The following ADAMTS18 variants were observed in gnomAD, a reference collection of about 807,000 sequenced individuals.
The protein encoded by ADAMTS18 is ADAM metallopeptidase with thrombospondin type 1 motif 18.
ADAMTS18 carries 157 observed loss-of-function variants against 165.9 expected under a neutral mutation model. The ratio of observed to expected loss-of-function variants is 0.95; its 90% CI spans 0.83 to 1.08. The LOEUF (loss-of-function observed/expected upper bound fraction) is 1.08. Among genes scored for constraint, ADAMTS18 ranks in the 50% least tolerant of loss-of-function variants. The pLI, the probability that ADAMTS18 is intolerant of heterozygous loss-of-function variation, is 0.00. For missense variants in ADAMTS18, 2,040 were observed against 1,534.0 expected, an observed-to-expected ratio of 1.33 and a Z score of -5.51; for synonymous variants, 782 against 578.2, an observed-to-expected ratio of 1.35 and a Z score of -5.06.
rs1160408368 is a variant in ADAMTS18 at position 77,291,280 on chromosome 16, A to G, written c.3388T>C (p.Leu1130=). Residue 1130 remains leucine (L), a synonymous_variant, in exon 21 of 23, where the codon TTG becomes CTG. Transcript: ENST00000282849. ...VYNMVAGWYS[L]PWQQCTVTCG... ...CCTGTACCCACCTGCTGCCACGGCA[A>G]TGAATACCATCCAGCTACCATGTTG... 9 of 1,613,968 alleles carry G rather than the reference A, an allele frequency of 5.6e-6. No individual in the cohort carries two copies. The highest frequency in any genetic ancestry group is 2.2e-5 in the East Asian group (1 of 44,878).
At chr16:77,322,029 C>T (rs904836065) in intron 14 of ADAMTS18, among the ~76,000 whole-genome samples, 2 of 151,914 alleles carry the variant, frequency 1.3e-5, no homozygotes, top group Non-Finnish European at 2.9e-5. Flanking sequence ...GTGGCATGCA[C>T]CTGTAATCCC....
At chr16:77,397,572 A>T (rs777704878) in intron 3 of ADAMTS18, among the ~76,000 whole-genome samples, 8 of 152,240 alleles carry the variant, frequency 5.3e-5, no homozygotes, top group Admixed American at 2.6e-4. Flanking sequence ...ATGTTAATCT[A>T]TTCCAAGAAC....
chr16:77,325,590 C>T (rs1353581623), intron 13 of ADAMTS18, among the ~76,000 whole-genome samples: 1 of 148,268 alleles, frequency 6.7e-6, no homozygotes, highest in African/African-American at 2.5e-5. Context: ...GCCAAAATGT[C>T]AAAGGTAAGT....
chr16:77,293,799 T>G (rs1390055640), intron 19 of ADAMTS18, among the ~76,000 whole-genome samples: 3 of 149,480 alleles, frequency 2.0e-5, no homozygotes, highest in African/African-American at 7.4e-5. Flanking sequence ...ACAACAGGGT[T>G]CAAACTCCTC....
chr16:77,400,489 T>TA (rs1567541818), intron 3 of ADAMTS18, among the ~76,000 whole-genome samples: 1 of 148,000 alleles, frequency 6.8e-6, no homozygotes, highest in East Asian at 2.0e-4. Flanking sequence ...TGTTTTGTTT[T>TA]TTTTTTTTTT....
intron 3 of ADAMTS18, 121 bp downstream of exon 3, chr16:77,431,174 C>G: frequency 9.6e-7 from 1 of 1,046,526 alleles, no homozygotes; most frequent in Non-Finnish European, 1.5e-6. Flanking sequence ...TTAGAAGTAT[C>G]AAGGCTGACA....
chr16:77,368,174 C>T lies in ADAMTS18; in HGVS notation c.496-451G>A, dbSNP rs77831793. 8.5e-3 allele frequency among the ~76,000 whole-genome samples: 1,298 copies of T among 152,234 alleles called. 19 individuals are homozygous for T. The highest frequency in any genetic ancestry group is 0.029 in the African/African-American group (1,217 of 41,542). ...GGACAAGTTGCTATTATCACCACCC[C>T]CATTTACAAAGGAGAAAATTGAAGC... On this transcript the variant is annotated intron_variant, in intron 3 of 22. Coordinates refer to ENST00000282849, the MANE Select transcript of ADAMTS18 (RefSeq NM_199355.4).
chr16:77,343,241 T>C (rs1054271720), intron 10 of ADAMTS18, among the ~76,000 whole-genome samples: 6 of 152,150 alleles, frequency 3.9e-5, no homozygotes, highest in Non-Finnish European at 7.4e-5. Context: ...GTCCGGCCAC[T>C]TTTTGTATTT....
chr16:77,362,433 C>A (rs900005938), intron 6 of ADAMTS18, among the ~76,000 whole-genome samples, 169 bp from the exon 7 acceptor site: 1 of 152,164 alleles, frequency 6.6e-6, no homozygotes, highest in African/African-American at 2.4e-5. Context: ...TAAATGCTCA[C>A]AATATTTAAA....
chr16:77,294,060 C>T (rs11640436), intron 19 of ADAMTS18, among the ~76,000 whole-genome samples: 58,151 of 151,874 alleles, frequency 0.38, 13,648 homozygotes, highest in Non-Finnish European at 0.53. Flanking sequence ...ATGTAATATA[C>T]GCTAAAGGAA....
chr16:77,381,439 C>T (rs1360902164), intron 3 of ADAMTS18, among the ~76,000 whole-genome samples: 7 of 152,210 alleles, frequency 4.6e-5, no homozygotes, highest in African/African-American at 1.7e-4. Context: ...TCAAAAGGAC[C>T]AGAAAAACAA....
chr16:77,400,238 C>G (rs1056644031), intron 3 of ADAMTS18, among the ~76,000 whole-genome samples: 4 of 152,120 alleles, frequency 2.6e-5, no homozygotes, highest in African/African-American at 9.7e-5. Context: ...AGCCTTGCCT[C>G]CAGCAGACCA....
intron 16 of ADAMTS18, among the ~76,000 whole-genome samples, chr16:77,304,333 G>T (rs1379929776): frequency 1.3e-5 from 2 of 152,066 alleles, no homozygotes; most frequent in African/African-American, 2.4e-5. Flanking sequence ...GTTGTAGTGT[G>T]TGCCTATAGT....
At chr16:77,344,107 GTATA>G (rs1172076936) in intron 10 of ADAMTS18, among the ~76,000 whole-genome samples, 1 of 142,830 alleles carries the variant, frequency 7.0e-6, no homozygotes, top group Non-Finnish European at 1.5e-5. Context: ...GAAACCAGAT[GTATA>G]TATATATATG....
In ADAMTS18 at chr16:77,368,607, G is replaced by T. The variant is rs562515900; in HGVS notation, c.496-884C>A. Among the ~76,000 whole-genome samples the T allele has an allele frequency of 5.9e-5, 9 of 151,738 alleles. No homozygotes were observed. The South Asian group carries it at 1.5e-3, about 25-fold the overall frequency. Reference sequence around the variant, plus strand: ...ACACACCACTATGCTCAGAAATGCGGTCTATATTGCCCAGGCTCGTCTCAA... The same window carrying T: ...ACACACCACTATGCTCAGAAATGCGTTCTATATTGCCCAGGCTCGTCTCAA... On this transcript the variant is annotated intron_variant, in intron 3 of 22. Transcript: ENST00000282849.
chr16:77,394,567 C>A (rs1422735514), intron 3 of ADAMTS18, among the ~76,000 whole-genome samples: 1 of 152,010 alleles, frequency 6.6e-6, no homozygotes, highest in African/African-American at 2.4e-5. Context: ...TTTAAAAATA[C>A]CTTAATATAC....
intron 8 of ADAMTS18, among the ~76,000 whole-genome samples, chr16:77,358,086 G>C (rs919109024): frequency 6.6e-6 from 1 of 152,160 alleles, no homozygotes; most frequent in Non-Finnish European, 1.5e-5. Context: ...CTTTGTATGA[G>C]AAGCATTGTT....
At chr16:77,348,952 C>G (rs184527975) in intron 10 of ADAMTS18, among the ~76,000 whole-genome samples, 1 of 152,196 alleles carries the variant, frequency 6.6e-6, no homozygotes, top group East Asian at 1.9e-4. Flanking sequence ...GGCTTGTAGA[C>G]ACGGAAAAGG....
At chr16:77,433,001 T>A (rs1368709524) in intron 2 of ADAMTS18, among the ~76,000 whole-genome samples, 2 of 152,220 alleles carry the variant, frequency 1.3e-5, no homozygotes, top group Non-Finnish European at 2.9e-5. Flanking sequence ...AAATGCTGTA[T>A]AATTGACATA....
Sources: gnomAD v4.1 joint callset for allele counts (sites outside exome capture counted in the v4.1 genomes callset) on GRCh38, gnomAD v4.1.1 for gene constraint, MANE v1.5 for transcripts, NCBI Gene and HGNC (gene_info 2026-07-23, HGNC 2026-07-21) for gene names.